STXBP5L: variants seen among roughly 807,000 people sequenced by gnomAD.
STXBP5L encodes the protein syntaxin-binding protein 5-like.
Under a neutral mutation model 144.5 loss-of-function variants are expected in STXBP5L, and 65 were observed. That is an observed-to-expected ratio of 0.45 (90% CI 0.37 to 0.55). The LOEUF (loss-of-function observed/expected upper bound fraction) is 0.55. STXBP5L is among the 20% of genes least tolerant of loss of function. STXBP5L has a pLI of 0.00. For synonymous variants in STXBP5L, 505 were observed against 469.6 expected (o/e 1.08, Z -0.97); for missense variants, 1,298 against 1,405.5 (o/e 0.92, Z 1.22).
chr3:121,107,182 A>G (rs2043753701), intron 5 of STXBP5L, among the ~76,000 whole-genome samples: 1 of 149,908 alleles, frequency 6.7e-6, no homozygotes, highest in African/African-American at 2.4e-5. Context: ...ATTTTCTCCC[A>G]TTAGTTTCTT....
chr3:121,296,012 G>A (rs2051635329), intron 19 of STXBP5L, among the ~76,000 whole-genome samples: 1 of 152,108 alleles, frequency 6.6e-6, no homozygotes, highest in Admixed American at 6.5e-5. Flanking sequence ...ATATTTTTAA[G>A]TTATAAAAGT....
At chr3:121,408,329 T>A (rs1016578495) in intron 23 of STXBP5L, among the ~76,000 whole-genome samples, 2 of 151,986 alleles carry the variant, frequency 1.3e-5, no homozygotes, top group Non-Finnish European at 2.9e-5. Context: ...GTCATTTTTT[T>A]AATATCTCAC....
chr3:121,039,971 G>T (rs1266384386), intron 3 of STXBP5L, among the ~76,000 whole-genome samples: 1 of 151,922 alleles, frequency 6.6e-6, no homozygotes, highest in South Asian at 2.1e-4. Flanking sequence ...TAGATGGATG[G>T]ATAGATAGAT....
At chr3:121,300,859 T>C (rs1577397601) in intron 19 of STXBP5L, among the ~76,000 whole-genome samples, 1 of 152,232 alleles carries the variant, frequency 6.6e-6, no homozygotes. Context: ...TGAGACAGGA[T>C]TAAAAAGAAA....
intron 20 of STXBP5L, among the ~76,000 whole-genome samples, chr3:121,359,396 T>C (rs115250768): frequency 6.6e-5 from 10 of 151,954 alleles, no homozygotes; most frequent in Admixed American, 6.6e-4. Flanking sequence ...TTTTCTCCCA[T>C]TCTGTGGTTT....
At chr3:121,106,395 C>CT (rs2043709515) in intron 5 of STXBP5L, among the ~76,000 whole-genome samples, 2 of 152,044 alleles carry the variant, frequency 1.3e-5, no homozygotes, top group African/African-American at 4.8e-5. Flanking sequence ...TATTATGACA[C>CT]TTTCCCTCCC....
intron 5 of STXBP5L, among the ~76,000 whole-genome samples, chr3:121,051,205 G>T (rs1382608064): frequency 2.0e-5 from 3 of 152,076 alleles, no homozygotes; most frequent in Non-Finnish European, 2.9e-5. Flanking sequence ...GGATACCCAG[G>T]AATTGTACTC....
chr3:121,268,134 G>A (rs529890359), intron 18 of STXBP5L, among the ~76,000 whole-genome samples: 15 of 152,188 alleles, frequency 9.9e-5, no homozygotes, highest in African/African-American at 2.4e-4. Context: ...CACTGTCCAC[G>A]ATAGCAAAGA....
At chr3:121,199,257 T>G (rs1045093817) in intron 9 of STXBP5L, among the ~76,000 whole-genome samples, 6 of 152,196 alleles carry the variant, frequency 3.9e-5, no homozygotes, top group African/African-American at 1.4e-4. Context: ...TGAATAGGCG[T>G]TCACTCATGA....
intron 18 of STXBP5L, among the ~76,000 whole-genome samples, chr3:121,270,232 CT>C (rs34309576): frequency 0.67 from 92,316 of 137,242 alleles, 30,361 homozygotes; most frequent in East Asian, 0.84. Flanking sequence ...AGAAGAAGAG[CT>C]TTTTTTTTTT....
At chr3:121,063,219 G>A (rs1362063736) in intron 5 of STXBP5L, among the ~76,000 whole-genome samples, 1 of 152,172 alleles carries the variant, frequency 6.6e-6, no homozygotes, top group Non-Finnish European at 1.5e-5. Context: ...TGTTGATGTT[G>A]ATACTATTCT....
intron 3 of STXBP5L, among the ~76,000 whole-genome samples, chr3:121,038,006 C>T (rs1440191730): frequency 6.6e-6 from 1 of 151,820 alleles, no homozygotes; most frequent in African/African-American, 2.4e-5. Flanking sequence ...ATATTCCTTT[C>T]CTTATAAAAG....
rs1465298193 is a variant in STXBP5L, at chr3:121,282,469, TG to T, written c.2110+2514del. 3 of 631,716 alleles carry T rather than the reference TG, an allele frequency of 4.7e-6. No homozygotes were observed. The Admixed American group carries it at 9.2e-5, about 19-fold the overall frequency. The allele number at this position is 631,716 out of a possible 1,614,324, so 39.1% of individuals were successfully genotyped here. ...CATGCAAATTTTTGTTTTGTTATGGTGTGCAACCTGATAATTTTAATAAACA... is the reference window on the plus strand; with the variant it reads ...CATGCAAATTTTTGTTTTGTTATGGTTGCAACCTGATAATTTTAATAAACA... On this transcript the variant is annotated intron_variant, in intron 19 of 26. Transcript: ENST00000471454.
chr3:121,293,729 T>C (rs1393071740), intron 19 of STXBP5L, among the ~76,000 whole-genome samples: 1 of 152,180 alleles, frequency 6.6e-6, no homozygotes, highest in Non-Finnish European at 1.5e-5. Context: ...GGTGTATTGG[T>C]GGGTGCCTGT....
intron 20 of STXBP5L, among the ~76,000 whole-genome samples, chr3:121,344,702 A>G (rs561928612): frequency 6.6e-6 from 1 of 152,126 alleles, no homozygotes; most frequent in African/African-American, 2.4e-5. Context: ...AGAGTTAATA[A>G]TTCTATAACT....
intron 22 of STXBP5L, among the ~76,000 whole-genome samples, chr3:121,405,891 T>G (rs187615905): frequency 6.6e-6 from 1 of 152,106 alleles, no homozygotes; most frequent in South Asian, 2.1e-4. Flanking sequence ...GAAGATTGTA[T>G]GCAATGAGTA....
intron 11 of STXBP5L, among the ~76,000 whole-genome samples, chr3:121,232,840 A>T (rs970105841): frequency 2.6e-5 from 4 of 152,128 alleles, no homozygotes; most frequent in African/African-American, 9.7e-5. Context: ...ATCTGATTGG[A>T]TCTTGCCATA....
At chr3:121,012,680 ATTG>A (rs775800873) in intron 3 of STXBP5L, among the ~76,000 whole-genome samples, 5 of 151,592 alleles carry the variant, frequency 3.3e-5, no homozygotes, top group Non-Finnish European at 5.9e-5. Flanking sequence ...GGTAATTATT[ATTG>A]TTATTATTAT....
At chr3:121,263,759 G>C (rs773922349) in intron 18 of STXBP5L, among the ~76,000 whole-genome samples, 6 of 152,062 alleles carry the variant, frequency 3.9e-5, no homozygotes, top group Non-Finnish European at 8.8e-5. Context: ...GAAAGGATTA[G>C]AGCAAAAAGA....
Sources: allele counts gnomAD v4.1 joint callset (sites outside exome capture counted in the v4.1 genomes callset), GRCh38; gene constraint gnomAD v4.1.1; transcripts MANE v1.5; gene names NCBI Gene and HGNC (gene_info 2026-07-23, HGNC 2026-07-21).